DENND5B: variants seen among roughly 807,000 people sequenced by gnomAD.
The protein encoded by DENND5B is DENN domain containing 5B, also known as DENN domain-containing protein 5B.
DENND5B carries 34 observed loss-of-function variants against 140.6 expected under a neutral mutation model. The observed-to-expected ratio is 0.24, with a 90% CI of 0.18 to 0.32. DENND5B has a LOEUF of 0.32. DENND5B is among the 10% of genes least tolerant of loss of function. The pLI, the probability that DENND5B is intolerant of heterozygous loss-of-function variation, is 1.00. For missense variants in DENND5B, 1,142 were observed against 1,560.2 expected, an observed-to-expected ratio of 0.73 and a Z score of 4.52; for synonymous variants, 551 against 562.1, an observed-to-expected ratio of 0.98 and a Z score of 0.28.
intron 4 of DENND5B, among the ~76,000 whole-genome samples, chr12:31,457,092 T>C (rs1369218591): frequency 1.3e-5 from 2 of 152,108 alleles, no homozygotes; most frequent in African/African-American, 4.8e-5. Flanking sequence ...ATAAAATAAA[T>C]TATTTCCTCA....
chr12:31,466,700 AAACAAC>A (rs150869364), intron 3 of DENND5B, among the ~76,000 whole-genome samples: 80,460 of 151,340 alleles, frequency 0.53, 21,950 homozygotes, highest in East Asian at 0.82. Context: ...CTCAAAAACA[AAACAAC>A]AACAACAACA....
intron 1 of DENND5B, among the ~76,000 whole-genome samples, chr12:31,520,683 G>C (rs1350758915): frequency 1.3e-5 from 2 of 152,034 alleles, no homozygotes. Context: ...TGGGACTACA[G>C]GTGTGTGCCA....
chr12:31,443,567 C>T (rs1944141040), intron 6 of DENND5B, among the ~76,000 whole-genome samples: 1 of 152,086 alleles, frequency 6.6e-6, no homozygotes, highest in African/African-American at 2.4e-5. Context: ...AATATTCTTA[C>T]ACAAAAATAT....
chr12:31,534,649 G>A (rs1948416736), intron 1 of DENND5B: 1 of 205,412 alleles, frequency 4.9e-6, no homozygotes, highest in African/African-American at 2.4e-5. Context: ...TGTCTTATGG[G>A]AATATTTTAT....
At chr12:31,413,687 T>C (rs1009478913) in intron 12 of DENND5B, 123 bp from the exon 13 acceptor site, 1 of 1,054,424 alleles carries the variant, frequency 9.5e-7, no homozygotes, top group East Asian at 2.8e-5. Context: ...ATGGATAATA[T>C]ACAATTGATG....
intron 2 of DENND5B, among the ~76,000 whole-genome samples, chr12:31,495,296 T>G (rs982772152): frequency 6.6e-6 from 1 of 152,126 alleles, no homozygotes; most frequent in Non-Finnish European, 1.5e-5. Context: ...TATAAACTTA[T>G]TAACTATGGA....
chr12:31,461,240 C>T (rs906642906), intron 3 of DENND5B, among the ~76,000 whole-genome samples: 2 of 152,026 alleles, frequency 1.3e-5, no homozygotes, highest in African/African-American at 4.8e-5. Context: ...TTTATTTTAG[C>T]CTTTATTTTG....
At chr12:31,573,960 T>C (rs1267968348) in intron 1 of DENND5B, among the ~76,000 whole-genome samples, 2 of 149,698 alleles carry the variant, frequency 1.3e-5, no homozygotes, top group South Asian at 2.1e-4. Flanking sequence ...GGAGACTCTT[T>C]ATCTCTTAAA....
chr12:31,413,872 T>C (rs1942591818), intron 12 of DENND5B, among the ~76,000 whole-genome samples: 2 of 152,186 alleles, frequency 1.3e-5, no homozygotes, highest in South Asian at 2.1e-4. Context: ...AAATAAGAAT[T>C]TGGTTATTCC....
intron 1 of DENND5B, among the ~76,000 whole-genome samples, chr12:31,572,567 A>C (rs1176020620): frequency 6.7e-6 from 1 of 148,696 alleles, no homozygotes; most frequent in Non-Finnish European, 1.5e-5. Context: ...AAAACTCACG[A>C]GTTATTAACA....
chr12:31,411,601 C>A (rs1318612202), intron 13 of DENND5B, among the ~76,000 whole-genome samples: 1 of 152,026 alleles, frequency 6.6e-6, no homozygotes, highest in Non-Finnish European at 1.5e-5. Context: ...CCTCGGCCTC[C>A]CAAAGTGCTG....
At chr12:31,515,020 G>A (rs1051808454) in intron 1 of DENND5B, among the ~76,000 whole-genome samples, 2 of 152,154 alleles carry the variant, frequency 1.3e-5, no homozygotes, top group Non-Finnish European at 1.5e-5. Context: ...CTACTCAAGG[G>A]ACTGAAGTGA....
chr12:31,402,424 G>T, intron 15 of DENND5B, 74 bp downstream of exon 15: 2 of 1,496,636 alleles, frequency 1.3e-6, no homozygotes, highest in Non-Finnish European at 1.8e-6. Flanking sequence ...AAGGAAAAAT[G>T]AAAAAGCCAG....
In DENND5B at chr12:31,591,041, G is replaced by T. The variant is rs1022241903; in HGVS notation, c.-209C>A. On this transcript the variant is annotated 5_prime_UTR_variant, in exon 1 of 21. Coordinates refer to ENST00000389082, the MANE Select transcript of DENND5B (RefSeq NM_144973.4). Reference sequence around the variant, plus strand: ...CGCGGGCTCGCGCGCGGCGGGTCCGGAGCCCGGCCGGGTGGGGGAGGGGCG... The same window carrying T: ...CGCGGGCTCGCGCGCGGCGGGTCCGTAGCCCGGCCGGGTGGGGGAGGGGCG... 6 of 324,728 alleles carry T rather than the reference G, an allele frequency of 1.8e-5. No individual in the cohort carries two copies. The highest frequency in any genetic ancestry group is 2.6e-5 in the Non-Finnish European group (6 of 226,460). 20.1% of individuals were successfully genotyped at this position (324,728 alleles called of 1,614,324 possible).
intron 1 of DENND5B, among the ~76,000 whole-genome samples, chr12:31,554,220 T>C (rs1244954424): frequency 6.6e-6 from 1 of 152,192 alleles, no homozygotes; most frequent in African/African-American, 2.4e-5. Context: ...CCTTTCCATG[T>C]TTAGTGCTTC....
chr12:31,452,576 C>T, intron 4 of DENND5B, 100 bp from the exon 5 acceptor site: 1 of 1,307,216 alleles, frequency 7.6e-7, no homozygotes, highest in Admixed American at 2.9e-5. Flanking sequence ...ATAATCCCAG[C>T]ACTTTGGGAG....
chr12:31,460,094 G>T, intron 4 of DENND5B, 100 bp downstream of exon 4: 1 of 1,185,506 alleles, frequency 8.4e-7, no homozygotes, highest in Non-Finnish European at 1.2e-6. Context: ...GAGAGTCAAA[G>T]AGACAGATAA....
rs555239743 is a variant in DENND5B at position 31,489,923 on chromosome 12, G to A, written c.237+5887C>T. On this transcript the variant is annotated intron_variant, in intron 2 of 20. Transcript: ENST00000389082. ...AAGAGCCTTCCAGAGAGAAGGAACAGCAGAAGCAGAAGCTATAGTATGAGG... is the reference window on the plus strand; with the variant it reads ...AAGAGCCTTCCAGAGAGAAGGAACAACAGAAGCAGAAGCTATAGTATGAGG... 4.4e-4 allele frequency among the ~76,000 whole-genome samples: 67 copies of A among 152,286 alleles called. 1 individual carries two copies. Among genetic ancestry groups the A allele is most frequent in the African/African-American group, 1.6e-3 (66 of 41,560 alleles).
In DENND5B at chr12:31,433,056, T is replaced by A. The variant is rs866570816; in HGVS notation, c.2106+99A>T. 66 of 1,021,408 alleles carry A rather than the reference T, an allele frequency of 6.5e-5. No individual in the cohort carries two copies. The Middle Eastern group carries it at 3.0e-3, about 46-fold the overall frequency. 63.3% of individuals were successfully genotyped at this position (1,021,408 alleles called of 1,614,324 possible). ...AACTATAACTAAACAGTTTTTTTTT[T>A]AAAGAACATTAAGAATCTACACAAT... On this transcript the variant is annotated intron_variant, in intron 8 of 20. Coordinates refer to ENST00000389082, the MANE Select transcript of DENND5B (RefSeq NM_144973.4).
Sources: gnomAD v4.1 joint callset for allele counts (sites outside exome capture counted in the v4.1 genomes callset) on GRCh38, gnomAD v4.1.1 for gene constraint, MANE v1.5 for transcripts, NCBI Gene and HGNC (gene_info 2026-07-23, HGNC 2026-07-21) for gene names.